SUCLG2: variants seen among roughly 807,000 people sequenced by gnomAD.
SUCLG2 encodes the protein succinate--CoA ligase [GDP-forming] subunit beta, mitochondrial.
A neutral mutation model predicts 47.9 loss-of-function variants in SUCLG2; 42 were observed. The observed-to-expected ratio is 0.88, with a 90% CI of 0.69 to 1.14. SUCLG2 has a LOEUF of 1.14. Ranked by LOEUF, SUCLG2 falls within the 50% of genes most tolerant of loss-of-function variation. The probability of loss-of-function intolerance (pLI) is 0.00; values close to 1 mark genes in which losing one functional copy is unlikely to be tolerated. For missense variants in SUCLG2, 571 were observed against 525.9 expected (o/e 1.09, Z -0.84); for synonymous variants, 195 against 197.3 (o/e 0.99, Z 0.10).
chr3:67,518,090 G>A (rs183771511), intron 6 of SUCLG2, among the ~76,000 whole-genome samples, 157 bp downstream of exon 6: 332 of 152,154 alleles, frequency 2.2e-3, no homozygotes, highest in Non-Finnish European at 3.3e-3. Flanking sequence ...AAACATCAGG[G>A]AAATATTTTT....
chr3:67,388,396 C>A (rs559353079), intron 10 of SUCLG2, among the ~76,000 whole-genome samples: 1 of 152,282 alleles, frequency 6.6e-6, no homozygotes, highest in African/African-American at 2.4e-5. Flanking sequence ...GTGTGATAAA[C>A]GTCCTCGGAT....
In SUCLG2 at chr3:67,471,176, A is replaced by C. The variant is rs185207880; in HGVS notation, c.1062+24622T>G. ...TTGGAGAAATGATTATTTAAATCAC[A>C]TTACTGGTGAATTGAGATGGTATTC... is the stretch of plus-strand genomic sequence containing the variant. On this transcript the variant is annotated intron_variant, in intron 9 of 10. Transcript: ENST00000307227. Among the ~76,000 whole-genome samples, 948 of 152,330 alleles carry C rather than the reference A, an allele frequency of 6.2e-3. 8 individuals carry two copies. Among genetic ancestry groups the C allele is most frequent in the African/African-American group, 0.022 (918 of 41,566 alleles).
At chr3:67,449,415 T>C (rs1418623733) in intron 9 of SUCLG2, among the ~76,000 whole-genome samples, 1 of 152,180 alleles carries the variant, frequency 6.6e-6, no homozygotes, top group East Asian at 1.9e-4. Flanking sequence ...CAAAACTCTA[T>C]ATTCATTCTG....
At chr3:67,578,755 T>C (rs940868847) in intron 2 of SUCLG2, among the ~76,000 whole-genome samples, 2 of 152,184 alleles carry the variant, frequency 1.3e-5, no homozygotes, top group African/African-American at 4.8e-5. Flanking sequence ...GCAAGGAATT[T>C]ATCTGCAGGC....
In SUCLG2 at chr3:67,518,340, G is replaced by A; in HGVS notation, c.571-4C>T. The A allele has an allele frequency of 1.9e-6, 3 of 1,602,852 alleles. No individual in the cohort carries two copies. Among genetic ancestry groups the A allele is most frequent in the Non-Finnish European group, 2.6e-6 (3 of 1,173,462 alleles). Reference sequence around the variant, plus strand: ...CTTCAAAAATGTCAATTTGCTCCTAGTAAAAATAAATCAAATAAACAAAAT... The same window carrying A: ...CTTCAAAAATGTCAATTTGCTCCTAATAAAAATAAATCAAATAAACAAAAT... On this transcript the variant is annotated splice_region_variant and splice_polypyrimidine_tract_variant and intron_variant, in intron 5 of 10. Transcript: ENST00000307227.
chr3:67,648,968 C>T lies in SUCLG2; in HGVS notation c.84+5535G>A, dbSNP rs552545567. Among the ~76,000 whole-genome samples, 6 of 152,216 alleles carry T rather than the reference C, an allele frequency of 3.9e-5. No individual in the cohort carries two copies. In the South Asian group the frequency reaches 1.2e-3, roughly 32 times the overall value. ...TTACATTCTTAAACTTGTAGGAGAG[C>T]GGGGAAGACGGCCAATGAACAAATA... On this transcript the variant is annotated intron_variant, in intron 1 of 10. Coordinates refer to ENST00000307227, the MANE Select transcript of SUCLG2 (RefSeq NM_003848.4).
chr3:67,507,152 C>T (rs1705659372), intron 7 of SUCLG2, among the ~76,000 whole-genome samples: 1 of 152,136 alleles, frequency 6.6e-6, no homozygotes, highest in Non-Finnish European at 1.5e-5. Context: ...GCTTCTTCCC[C>T]TTCCTTTCTT....
chr3:67,561,387 A>T (rs1483340268), intron 2 of SUCLG2, among the ~76,000 whole-genome samples: 1 of 152,138 alleles, frequency 6.6e-6, no homozygotes, highest in Non-Finnish European at 1.5e-5. Context: ...CACTGCCAAC[A>T]TTAAGACATC....
chr3:67,411,814 A>C (rs1702938652), intron 9 of SUCLG2, among the ~76,000 whole-genome samples: 1 of 152,158 alleles, frequency 6.6e-6, no homozygotes, highest in Non-Finnish European at 1.5e-5. Flanking sequence ...TGCTGAAAAA[A>C]TTCATTAGCA....
chr3:67,370,267 A>G (rs2106748597), downstream of SUCLG2, among the ~76,000 whole-genome samples: 1 of 152,356 alleles, frequency 6.6e-6, no homozygotes, highest in East Asian at 1.9e-4. Flanking sequence ...GGATAATTAA[A>G]AATATGTTTA....
chr3:67,386,975 C>T (rs1287424519), intron 10 of SUCLG2, among the ~76,000 whole-genome samples: 2 of 152,134 alleles, frequency 1.3e-5, no homozygotes, highest in Non-Finnish European at 2.9e-5. Flanking sequence ...GTGCTTGCCT[C>T]TCTCTTTGTA....
intron 9 of SUCLG2, among the ~76,000 whole-genome samples, chr3:67,494,054 C>T (rs540447293): frequency 6.6e-6 from 1 of 152,198 alleles, no homozygotes; most frequent in East Asian, 1.9e-4. Flanking sequence ...AAAAGACAAG[C>T]AAAAACATAA....
intron 9 of SUCLG2, among the ~76,000 whole-genome samples, chr3:67,491,722 C>G (rs1270253551): frequency 6.6e-6 from 1 of 152,128 alleles, no homozygotes; most frequent in Non-Finnish European, 1.5e-5. Context: ...ATTCATCAAG[C>G]TGTATACTTA....
At chr3:67,479,216 T>C (rs1220521341) in intron 9 of SUCLG2, among the ~76,000 whole-genome samples, 1 of 151,696 alleles carries the variant, frequency 6.6e-6, no homozygotes, top group Non-Finnish European at 1.5e-5. Flanking sequence ...ATCCAATATC[T>C]AGAAAAAGTC....
intron 9 of SUCLG2, among the ~76,000 whole-genome samples, chr3:67,456,031 C>T (rs1328189131): frequency 6.6e-6 from 1 of 150,878 alleles, no homozygotes; most frequent in Non-Finnish European, 1.5e-5. Flanking sequence ...CAGTATAAGG[C>T]AGAGACTATT....
At chr3:67,539,227 T>C (rs755687005) in intron 2 of SUCLG2, among the ~76,000 whole-genome samples, 1 of 152,232 alleles carries the variant, frequency 6.6e-6, no homozygotes, top group Non-Finnish European at 1.5e-5. Context: ...TTTTGAGATA[T>C]GTTCCATCAA....
At chr3:67,590,623 A>G (rs1708135025) in intron 2 of SUCLG2, among the ~76,000 whole-genome samples, 1 of 152,166 alleles carries the variant, frequency 6.6e-6, no homozygotes, top group South Asian at 2.1e-4. Context: ...CTGCCATGAT[A>G]TTAAGTTCCT....
intron 10 of SUCLG2, among the ~76,000 whole-genome samples, chr3:67,398,291 C>G (rs1020524037): frequency 3.3e-5 from 5 of 150,652 alleles, no homozygotes; most frequent in African/African-American, 7.3e-5. Flanking sequence ...GGCTAATATC[C>G]AGAATCTACA....
rs967651607 is a variant in SUCLG2, at chr3:67,375,948, T to C, written c.1184-89A>G. The stretch of plus-strand genomic sequence containing the variant: ...CAAGGACACACAAGACTCACCTGTC[T>C]ACAGCTTTTCACTAGGAAATGAATT... On this transcript the variant is annotated intron_variant, in intron 10 of 10. Coordinates refer to ENST00000307227, the MANE Select transcript of SUCLG2 (RefSeq NM_003848.4). 8.7e-6 allele frequency: 13 copies of C among 1,497,248 alleles called. No homozygotes were observed. In the African/African-American group the frequency reaches 1.7e-4, roughly 19 times the overall value. 92.7% of individuals were successfully genotyped at this position (1,497,248 alleles called of 1,614,324 possible).
Sources: allele counts gnomAD v4.1 joint callset (sites outside exome capture counted in the v4.1 genomes callset), GRCh38; gene constraint gnomAD v4.1.1; transcripts MANE v1.5; gene names NCBI Gene and HGNC (gene_info 2026-07-23, HGNC 2026-07-21).